The following SNW1 variants were observed in gnomAD, a reference collection of about 807,000 sequenced individuals.
SNW1 encodes SNW domain containing 1.
A neutral mutation model predicts 75.6 loss-of-function variants in SNW1; 9 were observed. The observed-to-expected ratio is 0.12, with a 90% CI of 0.07 to 0.21. The LOEUF is 0.21. SNW1 is among the 10% of genes least tolerant of loss of function. The pLI, the probability that SNW1 is intolerant of heterozygous loss-of-function variation, is 1.00. For missense variants in SNW1, 409 were observed against 670.9 expected, an observed-to-expected ratio of 0.61 and a Z score of 4.31; for synonymous variants, 200 against 219.1, an observed-to-expected ratio of 0.91 and a Z score of 0.77.
At chr14:77,751,616 T>G (rs1263496069) in intron 2 of SNW1, 136 bp from the exon 3 acceptor site, 2 of 583,904 alleles carry the variant, frequency 3.4e-6, no homozygotes, top group Non-Finnish European at 5.5e-6. Context: ...CTGCCTCTTG[T>G]GGAGTTTACA....
chr14:77,719,000 C>A (rs72685297), intron 12 of SNW1, among the ~76,000 whole-genome samples: 19,868 of 152,162 alleles, frequency 0.13, 1,466 homozygotes, highest in Middle Eastern at 0.19. Context: ...GGAGCTGTGA[C>A]CTCCCTGTGC....
At chr14:77,740,856 G>A (rs1470180808) in intron 3 of SNW1, among the ~76,000 whole-genome samples, 1 of 152,034 alleles carries the variant, frequency 6.6e-6, no homozygotes, top group Admixed American at 6.6e-5. Flanking sequence ...CAGCACTTTG[G>A]GAGGCCGAGG....
intron 3 of SNW1, among the ~76,000 whole-genome samples, chr14:77,739,515 T>A (rs1384505832): frequency 6.6e-6 from 1 of 152,098 alleles, no homozygotes; most frequent in Non-Finnish European, 1.5e-5. Flanking sequence ...TTTATAACGC[T>A]TCTCTTTTCT....
At chr14:77,733,909 G>T in intron 8 of SNW1, 1 of 442,004 alleles carries the variant, frequency 2.3e-6, no homozygotes, top group Admixed American at 2.5e-5. Flanking sequence ...CCAGATATCT[G>T]ACTAGTCTCT....
Position 77,717,749 on chromosome 14 carries a change from G to A in SNW1, c.*339C>T. 1 of 618,568 alleles carries A rather than the reference G, an allele frequency of 1.6e-6. No homozygotes were observed. Among genetic ancestry groups the A allele is most frequent in the South Asian group, 2.0e-5 (1 of 49,262 alleles). 38.3% of individuals were successfully genotyped at this position (618,568 alleles called of 1,614,324 possible). On this transcript the variant is annotated 3_prime_UTR_variant, in exon 14 of 14. Coordinates refer to ENST00000261531, the MANE Select transcript of SNW1 (RefSeq NM_012245.3). ...AACATCTTCCTCCTCACTGTGGTTG[G>A]GGTAACTTTACTCATATGCAGCTGT...
intron 11 of SNW1, chr14:77,722,838 CT>C (rs773466539): frequency 0.042 from 11,707 of 280,782 alleles, no homozygotes; most frequent in Middle Eastern, 0.059. Context: ...TGGTACATAT[CT>C]TTTTTTTTTT....
intron 10 of SNW1, among the ~76,000 whole-genome samples, chr14:77,728,473 TAATAA>T (rs2080603573): frequency 6.6e-6 from 1 of 151,960 alleles, no homozygotes; most frequent in African/African-American, 2.4e-5. Context: ...ATAATAATAA[TAATAA>T]AAAAGTCAGA....
At chr14:77,754,853 T>G in intron 2 of SNW1, 114 bp downstream of exon 2, 1 of 965,068 alleles carries the variant, frequency 1.0e-6, no homozygotes, top group Non-Finnish European at 1.5e-6. Flanking sequence ...TAACCAGAAT[T>G]TCTATCACAC....
At chr14:77,755,175 G>A in intron 1 of SNW1, 55 bp from the exon 2 acceptor site, 1 of 1,493,460 alleles carries the variant, frequency 6.7e-7, no homozygotes, top group Non-Finnish European at 9.1e-7. Context: ...TGTTTAATTT[G>A]ACCACTGCAA....
chr14:77,717,711 G>A lies in SNW1; in HGVS notation c.*377C>T. 3.0e-6 allele frequency: 2 copies of A among 672,042 alleles called. No individual in the cohort carries two copies. Among genetic ancestry groups the A allele is most frequent in the Non-Finnish European group, 5.1e-6 (2 of 395,212 alleles). 41.6% of individuals were successfully genotyped at this position (672,042 alleles called of 1,614,324 possible). On this transcript the variant is annotated 3_prime_UTR_variant, in exon 14 of 14. Coordinates refer to ENST00000261531, the MANE Select transcript of SNW1 (RefSeq NM_012245.3). ...GGGGCAAAATTTATTTGGCAGGACAGTTCCAGTATGTGAACATCTTCCTCC... is the reference window on the plus strand; with the variant it reads ...GGGGCAAAATTTATTTGGCAGGACAATTCCAGTATGTGAACATCTTCCTCC...
At chr14:77,735,776 A>G (rs897168271) in intron 7 of SNW1, among the ~76,000 whole-genome samples, 161 bp downstream of exon 7, 1 of 152,244 alleles carries the variant, frequency 6.6e-6, no homozygotes, top group Non-Finnish European at 1.5e-5. Flanking sequence ...CTAACATGTT[A>G]TATACATTCT....
rs2080555926 is a variant in SNW1, at chr14:77,723,056, C to T, written c.1130+125G>A. The T allele has an allele frequency of 8.5e-5, 63 of 737,896 alleles. 1 individual carries two copies. In the South Asian group the frequency reaches 8.8e-4, roughly 10 times the overall value. 45.7% of individuals were successfully genotyped at this position (737,896 alleles called of 1,614,324 possible). ...TAGACACAGGGTTTCATCGTGTTAG[C>T]CAGGATGGTCTCGATCTCCTGACCT... is the stretch of plus-strand genomic sequence containing the variant. On this transcript the variant is annotated intron_variant, in intron 11 of 13. Transcript: ENST00000261531.
intron 8 of SNW1, chr14:77,733,977 T>C (rs779661819): frequency 9.1e-6 from 4 of 440,112 alleles, no homozygotes; most frequent in Non-Finnish European, 1.8e-5. Flanking sequence ...TAGAACCAGC[T>C]CAAGATACCA....
chr14:77,735,371 C>T (rs532792978), intron 7 of SNW1, among the ~76,000 whole-genome samples: 5 of 152,220 alleles, frequency 3.3e-5, no homozygotes, highest in South Asian at 4.1e-4. Context: ...CCACAACCTC[C>T]GCCTCCTGGG....
At chr14:77,733,715 A>G (rs2080645332) in intron 8 of SNW1, among the ~76,000 whole-genome samples, 1 of 123,252 alleles carries the variant, frequency 8.1e-6, no homozygotes, top group Admixed American at 1.0e-4. Flanking sequence ...ACTGTACTCC[A>G]GCCTGGGCAA....
chr14:77,726,714 G>A (rs990809134), intron 10 of SNW1, among the ~76,000 whole-genome samples: 3 of 151,936 alleles, frequency 2.0e-5, no homozygotes, highest in Non-Finnish European at 2.9e-5. Flanking sequence ...CTCAGGAGGC[G>A]GAGACACAAG....
In SNW1 at chr14:77,760,648, T is replaced by G. The variant is rs920676873; in HGVS notation, c.14+466A>C. On this transcript the variant is annotated intron_variant, in intron 1 of 13. Transcript: ENST00000261531. The stretch of plus-strand genomic sequence containing the variant: ...CTGTGTTCAGCTCCGGGCCTCTTTT[T>G]TCAGGAATCCTTGTTTCGGGACACC... The G allele has an allele frequency of 3.4e-5, 24 of 702,374 alleles. No individual in the cohort carries two copies. In the African/African-American group the frequency reaches 4.0e-4, roughly 12 times the overall value. 43.5% of individuals were successfully genotyped at this position (702,374 alleles called of 1,614,324 possible).
rs751507285 is a variant in SNW1, at chr14:77,723,289, G to T, written c.1034-12C>A. The T allele has an allele frequency of 3.1e-6, 5 of 1,592,558 alleles. No homozygotes were observed. The South Asian group carries it at 4.4e-5, about 14-fold the overall frequency. ...TGCCTCCCCATCCTCTGTGTGAACA[G>T]TTGAAAAGTACTTCACTGTAATATG... On this transcript the variant is annotated splice_polypyrimidine_tract_variant and intron_variant, in intron 10 of 13. Coordinates refer to ENST00000261531, the MANE Select transcript of SNW1 (RefSeq NM_012245.3).
intron 10 of SNW1, among the ~76,000 whole-genome samples, chr14:77,728,135 G>A (rs1390187723): frequency 1.3e-5 from 2 of 151,784 alleles, no homozygotes; most frequent in African/African-American, 4.8e-5. Context: ...TTTTCTGTAT[G>A]TTTGAAAATG....
Sources: allele counts gnomAD v4.1 joint callset (sites outside exome capture counted in the v4.1 genomes callset), GRCh38; gene constraint gnomAD v4.1.1; transcripts MANE v1.5; gene names NCBI Gene and HGNC (gene_info 2026-07-23, HGNC 2026-07-21).